SNX2: variants seen among roughly 807,000 people sequenced by gnomAD.
SNX2 encodes the protein sorting nexin-2.
SNX2 carries 25 observed loss-of-function variants against 69.9 expected under a neutral mutation model. That is an observed-to-expected ratio of 0.36 (90% CI 0.26 to 0.50). The LOEUF (loss-of-function observed/expected upper bound fraction) is 0.50, where lower values mean the gene tolerates loss of function less well. Among genes scored for constraint, SNX2 ranks in the 20% least tolerant of loss-of-function variants. SNX2 has a pLI of 0.97. For missense variants in SNX2, 551 were observed against 613.3 expected (o/e 0.90, Z 1.07); for synonymous variants, 229 against 200.4 (o/e 1.14, Z -1.20).
intron 7 of SNX2, among the ~76,000 whole-genome samples, chr5:122,813,824 A>G (rs1177723658): frequency 1.5e-5 from 2 of 135,710 alleles, no homozygotes; most frequent in East Asian, 4.5e-4. Flanking sequence ...CCCAGGCTAG[A>G]GTGCAATGGT....
rs762676075 is a variant in SNX2, at chr5:122,775,088, G to C, written c.-16G>C. The C allele has an allele frequency of 1.1e-5, 17 of 1,573,654 alleles. No individual in the cohort carries two copies. Among genetic ancestry groups the C allele is most frequent in the Non-Finnish European group, 1.4e-5 (16 of 1,160,408 alleles). On this transcript the variant is annotated 5_prime_UTR_variant, in exon 1 of 15. Transcript: ENST00000379516. ...TCCGCGAGGCCCAGCTCGCGCAGTC[G>C]TTCGGGTGAGCGAAGATGGCGGCCG...
chr5:122,779,086 A>G (rs1178349009), intron 1 of SNX2, among the ~76,000 whole-genome samples: 1 of 152,198 alleles, frequency 6.6e-6, no homozygotes, highest in Non-Finnish European at 1.5e-5. Flanking sequence ...ATGGAGTAGT[A>G]GATAGTACGT....
intron 6 of SNX2, among the ~76,000 whole-genome samples, chr5:122,805,094 C>A (rs1753607701): frequency 6.6e-6 from 1 of 151,818 alleles, no homozygotes; most frequent in African/African-American, 2.4e-5. Flanking sequence ...GAGTTCGAGA[C>A]CAGCCTGGCC....
intron 7 of SNX2, among the ~76,000 whole-genome samples, chr5:122,814,779 T>C (rs1581642148): frequency 6.6e-6 from 1 of 152,158 alleles, no homozygotes; most frequent in East Asian, 1.9e-4. Context: ...AGACGGAGTT[T>C]CACTCTGTCA....
chr5:122,816,855 C>A, intron 8 of SNX2, 60 bp from the exon 9 acceptor site: 1 of 927,248 alleles, frequency 1.1e-6, no homozygotes. Flanking sequence ...ACTTTTGTGC[C>A]TAGTTAAACC....
chr5:122,775,508 C>A, intron 1 of SNX2: 1 of 1,098,626 alleles, frequency 9.1e-7, no homozygotes, highest in Non-Finnish European at 1.1e-6. Flanking sequence ...CTCGGTGTCT[C>A]TTGCACGTCC....
intron 1 of SNX2, among the ~76,000 whole-genome samples, chr5:122,786,557 C>T (rs898843060): frequency 1.1e-4 from 17 of 152,014 alleles, no homozygotes; most frequent in Non-Finnish European, 2.1e-4. Flanking sequence ...TTATACTTCA[C>T]GTAAAATGCC....
At chr5:122,824,828 A>G (rs1392963631) in intron 11 of SNX2, among the ~76,000 whole-genome samples, 1 of 152,222 alleles carries the variant, frequency 6.6e-6, no homozygotes, top group Non-Finnish European at 1.5e-5. Flanking sequence ...GTTATTTAGA[A>G]GTAATCCATA....
Position 122,803,464 on chromosome 5 carries a change from A to G in SNX2, c.502-8A>G. On this transcript the variant is annotated splice_region_variant and splice_polypyrimidine_tract_variant and intron_variant, in intron 5 of 14. Transcript: ENST00000379516. ...TCAAAATTTGAAACACCTCTTCTTC[A>G]CTTGTAGACATCTCTTTCCATGTTC... 6.3e-7 allele frequency: 1 copy of G among 1,594,378 alleles called. No individual in the cohort carries two copies. Among genetic ancestry groups the G allele is most frequent in the Non-Finnish European group, 8.5e-7 (1 of 1,173,554 alleles).
intron 7 of SNX2, among the ~76,000 whole-genome samples, chr5:122,814,405 C>T (rs1753853800): frequency 6.6e-6 from 1 of 152,064 alleles, no homozygotes; most frequent in African/African-American, 2.4e-5. Context: ...ATCGAAGATA[C>T]CTGTTAAATG....
intron 1 of SNX2, among the ~76,000 whole-genome samples, chr5:122,791,481 C>T (rs1000575872): frequency 6.6e-6 from 1 of 152,216 alleles, no homozygotes; most frequent in South Asian, 2.1e-4. Context: ...GGGGTTTCAC[C>T]ACATTGGCCA....
At chr5:122,786,272 G>A (rs1314988700) in intron 1 of SNX2, among the ~76,000 whole-genome samples, 1 of 152,000 alleles carries the variant, frequency 6.6e-6, no homozygotes, top group East Asian at 1.9e-4. Flanking sequence ...GGCAACATGT[G>A]TGTAGTTATT....
chr5:122,827,328 T>TA (rs1379572657), intron 12 of SNX2, 51 bp from the exon 13 acceptor site: 1 of 1,462,426 alleles, frequency 6.8e-7, no homozygotes, highest in African/African-American at 1.4e-5. Flanking sequence ...GTCTTGACAG[T>TA]ACTATACTTT....
chr5:122,818,003 G>A (rs965295717), intron 10 of SNX2, among the ~76,000 whole-genome samples: 1 of 151,872 alleles, frequency 6.6e-6, no homozygotes, highest in African/African-American at 2.4e-5. Context: ...CATTTAATAA[G>A]CAAATAATAT....
chr5:122,829,763 TGTG>T lies in SNX2; in HGVS notation c.*118_*120del. ...ACCACTATATATTTTATGAATTACA[TGTG>T]GTTTTATATACACACACACACACAC... On this transcript the variant is annotated 3_prime_UTR_variant, in exon 15 of 15. Transcript: ENST00000379516. 1.3e-6 allele frequency: 1 copy of T among 748,936 alleles called. No individual in the cohort carries two copies. The highest frequency in any genetic ancestry group is 1.6e-5 in the South Asian group (1 of 63,254). 46.4% of individuals were successfully genotyped at this position (748,936 alleles called of 1,614,324 possible).
chr5:122,823,254 G>A (rs7735211), intron 11 of SNX2, among the ~76,000 whole-genome samples: 1 of 152,110 alleles, frequency 6.6e-6, no homozygotes, highest in Non-Finnish European at 1.5e-5. Flanking sequence ...AGCATTGTTA[G>A]AAGTTTGACT....
intron 6 of SNX2, among the ~76,000 whole-genome samples, chr5:122,806,142 G>GCGCACGCA: frequency 7.7e-6 from 1 of 130,582 alleles, no homozygotes; most frequent in South Asian, 2.3e-4. Context: ...ACACGCGCGC[G>GCGCACGCA]CACACACACA....
At chr5:122,813,317 CAT>C (rs771872841) in intron 7 of SNX2, among the ~76,000 whole-genome samples, 38 of 151,942 alleles carry the variant, frequency 2.5e-4, no homozygotes, top group African/African-American at 7.2e-4. Flanking sequence ...ATATGAGAAA[CAT>C]ATATATAAAC....
intron 7 of SNX2, among the ~76,000 whole-genome samples, chr5:122,809,331 T>G (rs549777000): frequency 6.6e-6 from 1 of 152,284 alleles, no homozygotes; most frequent in Admixed American, 6.5e-5. Flanking sequence ...GAGGGACAGC[T>G]ATACTTAAAG....
Sources: allele counts gnomAD v4.1 joint callset (sites outside exome capture counted in the v4.1 genomes callset), GRCh38; gene constraint gnomAD v4.1.1; transcripts MANE v1.5; gene names NCBI Gene and HGNC (gene_info 2026-07-23, HGNC 2026-07-21).